CCDC102B: variants seen among roughly 807,000 people sequenced by gnomAD.
CCDC102B encodes the protein coiled-coil domain-containing protein 102B.
A neutral mutation model predicts 57.4 loss-of-function variants in CCDC102B; 75 were observed. The observed-to-expected ratio is 1.31, with a 90% CI of 1.08 to 1.58. The LOEUF is 1.58. Among genes scored for constraint, CCDC102B ranks in the 40% most tolerant of loss-of-function variants. The pLI, the probability that CCDC102B is intolerant of heterozygous loss-of-function variation, is 0.00. For missense variants in CCDC102B, 636 were observed against 582.6 expected (o/e 1.09, Z -0.94); for synonymous variants, 206 against 201.9 (o/e 1.02, Z -0.17).
chr18:68,964,341 T>C (rs1472421455), intron 6 of CCDC102B, among the ~76,000 whole-genome samples: 1 of 151,804 alleles, frequency 6.6e-6, no homozygotes, highest in Non-Finnish European at 1.5e-5. Flanking sequence ...AGTTTAATAT[T>C]TTATGAATAC....
At chr18:68,793,666 C>T (rs1174247768), upstream of CCDC102B, among the ~76,000 whole-genome samples, 1 of 151,938 alleles carries the variant, frequency 6.6e-6, no homozygotes, top group Non-Finnish European at 1.5e-5. Context: ...ATGATGAGAC[C>T]AAGATATGTC....
chr18:68,884,787 T>A (rs2039823346), intron 5 of CCDC102B, among the ~76,000 whole-genome samples: 1 of 150,190 alleles, frequency 6.7e-6, no homozygotes. Flanking sequence ...TCTGGAGATC[T>A]AATGTACAAG....
In CCDC102B at chr18:68,935,749, G is replaced by T. The variant is rs1042220254; in HGVS notation, c.1263+38321G>T. Among the ~76,000 whole-genome samples the T allele has an allele frequency of 3.9e-5, 6 of 151,928 alleles. No homozygotes were observed. The South Asian group carries it at 6.2e-4, about 16-fold the overall frequency. On this transcript the variant is annotated intron_variant, in intron 6 of 7. Coordinates refer to ENST00000360242, the MANE Select transcript of CCDC102B (RefSeq NM_024781.3). The stretch of plus-strand genomic sequence containing the variant: ...AGGGACAGGCCTTGGACCCATTAGG[G>T]ATACTGAGAATGAGTGGCCAGTGTT...
intron 6 of CCDC102B, among the ~76,000 whole-genome samples, chr18:68,919,099 T>C (rs1451739449): frequency 6.6e-6 from 1 of 151,972 alleles, no homozygotes; most frequent in Non-Finnish European, 1.5e-5. Flanking sequence ...TATAGTCTTA[T>C]CCCTTATATC....
chr18:68,840,086 C>T (rs1040370949), intron 3 of CCDC102B, among the ~76,000 whole-genome samples: 2 of 151,948 alleles, frequency 1.3e-5, no homozygotes, highest in Admixed American at 6.6e-5. Flanking sequence ...TATGGATTTT[C>T]GTTTCTATGC....
intron 6 of CCDC102B, among the ~76,000 whole-genome samples, chr18:68,974,580 T>A (rs1225107976): frequency 3.3e-5 from 5 of 151,986 alleles, no homozygotes; most frequent in Non-Finnish European, 5.9e-5. Flanking sequence ...AATTCCTTAA[T>A]CATATAATGA....
chr18:68,909,843 C>T (rs1278907559), intron 6 of CCDC102B, among the ~76,000 whole-genome samples: 2 of 152,096 alleles, frequency 1.3e-5, no homozygotes, highest in Admixed American at 1.3e-4. Context: ...GCATCTGGAC[C>T]TTAATAGCTT....
At chr18:68,748,095 T>G (rs1049579046) in intron 2 of CCDC102B, among the ~76,000 whole-genome samples, 2 of 152,086 alleles carry the variant, frequency 1.3e-5, no homozygotes. Flanking sequence ...GTTTTGATTT[T>G]CGTTTCCCTG....
At chr18:69,013,151 A>G (rs1046675983) in intron 7 of CCDC102B, among the ~76,000 whole-genome samples, 4 of 152,206 alleles carry the variant, frequency 2.6e-5, no homozygotes, top group African/African-American at 4.8e-5. Flanking sequence ...GGAGGAGTGG[A>G]TTAAAAATAT....
chr18:68,894,103 A>G (rs895922866), intron 5 of CCDC102B, among the ~76,000 whole-genome samples: 3 of 151,608 alleles, frequency 2.0e-5, no homozygotes, highest in Non-Finnish European at 2.9e-5. Context: ...ATGACACTCA[A>G]TTTTTTTTCC....
At chr18:68,934,158 T>G (rs2041770193) in intron 6 of CCDC102B, among the ~76,000 whole-genome samples, 1 of 151,952 alleles carries the variant, frequency 6.6e-6, no homozygotes, top group Admixed American at 6.6e-5. Context: ...TTAACTAAAT[T>G]TCTTAGTGTA....
chr18:68,845,391 T>A (rs1452892601), intron 3 of CCDC102B, among the ~76,000 whole-genome samples: 1 of 151,782 alleles, frequency 6.6e-6, no homozygotes, highest in African/African-American at 2.4e-5. Flanking sequence ...AAAATCTCAG[T>A]GTCATATAAC....
intron 4 of CCDC102B, among the ~76,000 whole-genome samples, chr18:68,854,164 G>A (rs1218191351): frequency 6.6e-6 from 1 of 151,186 alleles, no homozygotes; most frequent in African/African-American, 2.4e-5. Flanking sequence ...CCAGTGGCGC[G>A]ATCTCCGCTC....
intron 2 of CCDC102B, among the ~76,000 whole-genome samples, chr18:68,772,598 C>G (rs974668502): frequency 9.9e-5 from 15 of 152,104 alleles, no homozygotes; most frequent in African/African-American, 3.6e-4. Context: ...TAAAATTAAA[C>G]TGTCCTATTT....
chr18:68,804,808 T>C (rs1039854136), intron 1 of CCDC102B, among the ~76,000 whole-genome samples: 1 of 151,952 alleles, frequency 6.6e-6, no homozygotes, highest in Non-Finnish European at 1.5e-5. Flanking sequence ...TTTAAAATAA[T>C]TTTTATTTTA....
rs1250651976 is a variant in CCDC102B, at chr18:68,838,972, T to C, written c.827+46T>C. 2.1e-6 allele frequency: 3 copies of C among 1,456,672 alleles called. No homozygotes were observed. The African/African-American group carries it at 4.2e-5, about 20-fold the overall frequency. The allele number at this position is 1,456,672 out of a possible 1,614,324, so 90.2% of individuals were successfully genotyped here. On this transcript the variant is annotated intron_variant, in intron 3 of 7. Coordinates refer to ENST00000360242, the MANE Select transcript of CCDC102B (RefSeq NM_024781.3). Reference sequence around the variant, plus strand: ...CCCTTAACCAAGTCTAAGTTTCAAATCACTTAAAATTGTTAATACAGATAG... The same window carrying C: ...CCCTTAACCAAGTCTAAGTTTCAAACCACTTAAAATTGTTAATACAGATAG...
At chr18:68,854,736 T>G (rs2038306412) in intron 4 of CCDC102B, among the ~76,000 whole-genome samples, 1 of 152,160 alleles carries the variant, frequency 6.6e-6, no homozygotes, top group Non-Finnish European at 1.5e-5. Context: ...GATCTGACTC[T>G]TAGTAAGAAG....
At chr18:69,006,966 A>C (rs190046529) in intron 6 of CCDC102B, among the ~76,000 whole-genome samples, 120 of 152,322 alleles carry the variant, frequency 7.9e-4, no homozygotes, top group African/African-American at 2.8e-3. Flanking sequence ...CTCTGATACT[A>C]AATAGGAAAA....
chr18:68,732,347 T>C (rs957055129), intron 2 of CCDC102B, among the ~76,000 whole-genome samples: 9 of 151,702 alleles, frequency 5.9e-5, no homozygotes, highest in Admixed American at 2.6e-4. Context: ...TTCTTTTTTT[T>C]TCTCTCTCTC....
Sources: allele counts gnomAD v4.1 joint callset (sites outside exome capture counted in the v4.1 genomes callset), GRCh38; gene constraint gnomAD v4.1.1; transcripts MANE v1.5; gene names NCBI Gene and HGNC (gene_info 2026-07-23, HGNC 2026-07-21).